BMPR1B: variants seen among roughly 807,000 people sequenced by gnomAD.
BMPR1B encodes bone morphogenetic protein receptor type 1B.
In BMPR1B, 12 loss-of-function variants were observed where a neutral mutation model predicts 59.1. The observed-to-expected ratio is 0.20, with a 90% CI of 0.13 to 0.33. The LOEUF is 0.33. BMPR1B is among the 10% of genes least tolerant of loss of function. The pLI, the probability that BMPR1B is intolerant of heterozygous loss-of-function variation, is 1.00. For synonymous variants in BMPR1B, 237 were observed against 207.3 expected (o/e 1.14, Z -1.23); for missense variants, 550 against 610.9 (o/e 0.90, Z 1.05).
At chr4:94,882,972 G>GTGTA (rs1553915361) in intron 2 of BMPR1B, among the ~76,000 whole-genome samples, 3 of 132,318 alleles carry the variant, frequency 2.3e-5, no homozygotes, top group Admixed American at 1.6e-4. Flanking sequence ...GTGTGCGTGT[G>GTGTA]TGTGTATGTG....
intron 1 of BMPR1B, among the ~76,000 whole-genome samples, chr4:94,872,471 G>A (rs1726539485): frequency 6.6e-6 from 1 of 151,614 alleles, no homozygotes; most frequent in Admixed American, 6.6e-5. Flanking sequence ...TTTGATTAAA[G>A]TAGAAGTATG....
chr4:94,858,484 A>T (rs1012283810), intron 1 of BMPR1B, among the ~76,000 whole-genome samples: 1 of 152,204 alleles, frequency 6.6e-6, no homozygotes, highest in African/African-American at 2.4e-5. Flanking sequence ...CTATTATAGA[A>T]TTTTGGATTA....
intron 2 of BMPR1B, among the ~76,000 whole-genome samples, chr4:94,894,438 A>AAG (rs35163913): frequency 0.2 from 29,759 of 149,354 alleles, 3,129 homozygotes; most frequent in African/African-American, 0.25. Context: ...TGGCCTTTAA[A>AAG]AGAGAGAGAG....
intron 1 of BMPR1B, among the ~76,000 whole-genome samples, chr4:94,786,420 G>A (rs1454422879): frequency 6.7e-6 from 1 of 148,788 alleles, no homozygotes; most frequent in African/African-American, 2.5e-5. Context: ...AAGCTAGAGT[G>A]TGGTGGCATG....
chr4:94,814,659 CTG>C (rs1193908967), intron 1 of BMPR1B, among the ~76,000 whole-genome samples: 2 of 152,270 alleles, frequency 1.3e-5, no homozygotes, highest in South Asian at 4.1e-4. Context: ...GTGCTTAAAA[CTG>C]TGCTGGATGC....
intron 1 of BMPR1B, among the ~76,000 whole-genome samples, chr4:94,784,628 G>A (rs1722698842): frequency 6.6e-6 from 1 of 152,070 alleles, no homozygotes; most frequent in Non-Finnish European, 1.5e-5. Flanking sequence ...AAAGTGCTGG[G>A]ATTACAGGTG....
At chr4:95,041,028 G>T (rs982678910) in intron 3 of BMPR1B, among the ~76,000 whole-genome samples, 1 of 152,106 alleles carries the variant, frequency 6.6e-6, no homozygotes, top group Admixed American at 6.6e-5. Flanking sequence ...GATTAGAAAG[G>T]TCTTTGAGAA....
chr4:95,141,180 A>G (rs766074327), intron 10 of BMPR1B, among the ~76,000 whole-genome samples: 5 of 152,132 alleles, frequency 3.3e-5, no homozygotes, highest in Admixed American at 1.3e-4. Context: ...TTTATTTTCT[A>G]TGTTTCAAAG....
intron 10 of BMPR1B, among the ~76,000 whole-genome samples, chr4:95,136,286 T>C (rs568980816): frequency 3.9e-5 from 6 of 152,222 alleles, no homozygotes; most frequent in Non-Finnish European, 8.8e-5. Flanking sequence ...ATAAGCTTTT[T>C]GATGTGCAGC....
At chr4:95,042,431 TTA>T (rs1725726473) in intron 3 of BMPR1B, among the ~76,000 whole-genome samples, 2 of 152,132 alleles carry the variant, frequency 1.3e-5, no homozygotes, top group Non-Finnish European at 2.9e-5. Context: ...AAAAAAAATT[TTA>T]AAATATTGTA....
At chr4:94,978,162 A>T (rs574883865) in intron 2 of BMPR1B, among the ~76,000 whole-genome samples, 43 of 152,248 alleles carry the variant, frequency 2.8e-4, no homozygotes, top group African/African-American at 9.6e-4. Flanking sequence ...TATTTTTTTT[A>T]TTATAGCACT....
chr4:94,782,616 CTT>C (rs1407303908), intron 1 of BMPR1B, among the ~76,000 whole-genome samples: 7 of 152,074 alleles, frequency 4.6e-5, no homozygotes. Flanking sequence ...AGTTACTATA[CTT>C]TTTATCTCCA....
chr4:94,804,590 C>T (rs376247788), intron 1 of BMPR1B, among the ~76,000 whole-genome samples: 12 of 121,532 alleles, frequency 9.9e-5, no homozygotes, highest in Middle Eastern at 0.011. Context: ...CTTTGTAATA[C>T]TTTTTTTTTT....
chr4:94,859,410 G>A (rs1178659378), intron 1 of BMPR1B, among the ~76,000 whole-genome samples: 1 of 152,042 alleles, frequency 6.6e-6, no homozygotes, highest in Non-Finnish European at 1.5e-5. Flanking sequence ...CCCTTCCCAC[G>A]AGGGAGGCTT....
At chr4:94,921,725 G>A (rs933978202) in intron 2 of BMPR1B, among the ~76,000 whole-genome samples, 1 of 152,132 alleles carries the variant, frequency 6.6e-6, no homozygotes, top group African/African-American at 2.4e-5. Flanking sequence ...GAGATTTGGT[G>A]GGGGCACAGA....
intron 1 of BMPR1B, among the ~76,000 whole-genome samples, chr4:94,848,057 T>C (rs541633505): frequency 2.0e-5 from 3 of 152,152 alleles, no homozygotes; most frequent in Non-Finnish European, 4.4e-5. Flanking sequence ...ACACCTAATA[T>C]GTGCCTACAA....
intron 10 of BMPR1B, among the ~76,000 whole-genome samples, chr4:95,137,967 T>C (rs1312326089): frequency 6.6e-6 from 1 of 152,204 alleles, no homozygotes; most frequent in African/African-American, 2.4e-5. Flanking sequence ...AGCTGCATAT[T>C]TTGCTCGTTA....
chr4:95,090,276 T>C (rs1729884174), intron 3 of BMPR1B, among the ~76,000 whole-genome samples: 2 of 151,790 alleles, frequency 1.3e-5, no homozygotes, highest in Non-Finnish European at 2.9e-5. Flanking sequence ...TTAATATATA[T>C]ATTTAAATTA....
chr4:95,006,878 ACT>A (rs543273859), intron 3 of BMPR1B, among the ~76,000 whole-genome samples: 409 of 151,828 alleles, frequency 2.7e-3, no homozygotes, highest in Middle Eastern at 0.021. Context: ...ATAATATATG[ACT>A]CTCTTTTAAA....
Sources: gnomAD v4.1 joint callset for allele counts (sites outside exome capture counted in the v4.1 genomes callset) on GRCh38, gnomAD v4.1.1 for gene constraint, MANE v1.5 for transcripts, NCBI Gene and HGNC (gene_info 2026-07-23, HGNC 2026-07-21) for gene names.